Variants in ADAM15 observed in about 807,000 individuals in gnomAD.
ADAM15 encodes disintegrin and metalloproteinase domain-containing protein 15.
In ADAM15, 77 loss-of-function variants were observed where a neutral mutation model predicts 113.8. That is an observed-to-expected ratio of 0.68 (90% CI 0.56 to 0.82). The LOEUF (loss-of-function observed/expected upper bound fraction) is 0.82. Among genes scored for constraint, ADAM15 ranks in the 40% least tolerant of loss-of-function variants. The probability of loss-of-function intolerance (pLI) is 0.00; values close to 1 mark genes in which losing one functional copy is unlikely to be tolerated. For missense variants in ADAM15, 963 were observed against 1,120.1 expected (o/e 0.86, Z 2.00); for synonymous variants, 388 against 454.1 (o/e 0.85, Z 1.85).
intron 20 of ADAM15, 78 bp downstream of exon 20, chr1:155,061,567 C>G: frequency 6.9e-7 from 1 of 1,444,060 alleles, no homozygotes; most frequent in East Asian, 2.3e-5. Flanking sequence ...CATCCCTGCT[C>G]CCTGCCAGTG....
At position 155,057,805 on chromosome 1, in the gene ADAM15, C is replaced by G; in HGVS notation, c.1417-46C>G. Reference sequence around the variant, plus strand: ...TGGAAAGGGTCATTCTGACCCCCGGCTGGATTTGCTCAGTGCCCACACTGA... The same window carrying G: ...TGGAAAGGGTCATTCTGACCCCCGGGTGGATTTGCTCAGTGCCCACACTGA... On this transcript the variant is annotated intron_variant, in intron 13 of 22. Coordinates refer to ENST00000356955, the MANE Select transcript of ADAM15 (RefSeq NM_207197.3). This position sits in a 1 kb window ranked among gnomAD's most constrained non-coding sequence, Gnocchi z 5.0. 1 of 1,613,194 alleles carries G rather than the reference C, an allele frequency of 6.2e-7. No individual in the cohort carries two copies. Among genetic ancestry groups the G allele is most frequent in the Non-Finnish European group, 8.5e-7 (1 of 1,179,234 alleles).
Position 155,058,315 on chromosome 1 carries a change from T to A in ADAM15, c.1791T>A (p.Asp597Glu). 1 of 1,614,060 alleles carries A rather than the reference T, an allele frequency of 6.2e-7. No homozygotes were observed. The highest frequency in any genetic ancestry group is 8.5e-7 in the Non-Finnish European group (1 of 1,180,026). Residue 597 changes from aspartate to glutamate, a missense_variant, in exon 15 of 23, where the codon GAT becomes GAA. Asp to Glu is a conservative substitution (Grantham distance 45). Coordinates refer to ENST00000356955, the MANE Select transcript of ADAM15 (RefSeq NM_207197.3). The surrounding 1 kb of genome is among the most constrained non-coding windows in gnomAD (Gnocchi z 4.3). Reference protein sequence around the residue: ...RTQPLLGSIRDLLWETIDVNG... With the variant: ...RTQPLLGSIRELLWETIDVNG... ...AGCCTCTGCTGGGCTCCATCCGGGA[T>A]CTACTCTGGGAGACAATAGATGTGA... is the stretch of plus-strand genomic sequence containing the variant.
At chr1:155,053,801 T>C in intron 3 of ADAM15, 109 bp from the exon 4 acceptor site, 4 of 1,303,078 alleles carry the variant, frequency 3.1e-6, no homozygotes, top group Non-Finnish European at 4.3e-6. Context: ...AAAAGTTGGC[T>C]GCGGGGGTTG....
At chr1:155,060,092 C>A in intron 17 of ADAM15, 113 bp from the exon 18 acceptor site, 1 of 1,567,074 alleles carries the variant, frequency 6.4e-7, no homozygotes, top group Non-Finnish European at 8.7e-7. Flanking sequence ...GAGTCTGTGC[C>A]CCTTGAACCC....
rs1222089713 is a variant in ADAM15, at chr1:155,062,142, G to T, written c.2425-103G>T. 6.9e-7 allele frequency: 1 copy of T among 1,446,142 alleles called. No homozygotes were observed. The highest frequency in any genetic ancestry group is 2.8e-5 in the Admixed American group (1 of 35,308). The allele number at this position is 1,446,142 out of a possible 1,614,324, so 89.6% of individuals were successfully genotyped here. On this transcript the variant is annotated intron_variant, in intron 21 of 22. Transcript: ENST00000356955. This position sits in a 1 kb window ranked among gnomAD's most constrained non-coding sequence, Gnocchi z 7.0. ...GGTTTGTTTGCAGACAAGGGTGACC[G>T]CTGGTGCTGCCCCCAAGCTGGTGTT... is the stretch of plus-strand genomic sequence containing the variant.
At chr1:155,053,141 C>G (rs1414933291) in intron 2 of ADAM15, among the ~76,000 whole-genome samples, 1 of 119,864 alleles carries the variant, frequency 8.3e-6, no homozygotes, top group Non-Finnish European at 1.6e-5. Context: ...AAAGCTGAGT[C>G]AGAGGAAGGG....
At chr1:155,054,712 T>G (rs1054921524) in intron 6 of ADAM15, among the ~76,000 whole-genome samples, 1 of 151,998 alleles carries the variant, frequency 6.6e-6, no homozygotes, top group African/African-American at 2.4e-5. Flanking sequence ...TGACGAAACC[T>G]TACAAAAAGT....
Position 155,057,455 on chromosome 1 carries a change from T to G in ADAM15, c.1323+93T>G. 4 of 1,554,992 alleles carry G rather than the reference T, an allele frequency of 2.6e-6. No homozygotes were observed. Among genetic ancestry groups the G allele is most frequent in the Non-Finnish European group, 3.5e-6 (4 of 1,139,938 alleles). ...CCCAGCCTCCTGAGCTCTTGGGTTC[T>G]GAAGGGACTTTCCACCCCTCTCCTA... On this transcript the variant is annotated intron_variant, in intron 12 of 22. Coordinates refer to ENST00000356955, the MANE Select transcript of ADAM15 (RefSeq NM_207197.3). This position sits in a 1 kb window ranked among gnomAD's most constrained non-coding sequence, Gnocchi z 5.0.
At position 155,056,913 on chromosome 1, in the gene ADAM15, A is replaced by G. The variant is rs770726562; in HGVS notation, c.1000-40A>G. 37 of 1,522,234 alleles carry G rather than the reference A, an allele frequency of 2.4e-5. No individual in the cohort carries two copies. The highest frequency in any genetic ancestry group is 3.2e-5 in the Non-Finnish European group (36 of 1,133,988). 94.3% of individuals were successfully genotyped at this position (1,522,234 alleles called of 1,614,324 possible). On this transcript the variant is annotated intron_variant, in intron 10 of 22. Transcript: ENST00000356955. The surrounding 1 kb of genome is among the most constrained non-coding windows in gnomAD (Gnocchi z 4.0). ...GTGGTCTGGGCATTGTGGTGGAGGCAGGCTGGGACTGGACCTACAGTACCC... is the reference window on the plus strand; with the variant it reads ...GTGGTCTGGGCATTGTGGTGGAGGCGGGCTGGGACTGGACCTACAGTACCC...
rs201599586 is a variant in ADAM15 at position 155,057,900 on chromosome 1, T to G, written c.1466T>G (p.Leu489Trp). Reference protein sequence around the residue: ...QCRPTRGDCDLPEFCPGDSSQ... With the variant: ...QCRPTRGDCDWPEFCPGDSSQ... ...CGTCCTACCAGAGGGGATTGTGACT[T>G]GCCTGAATTCTGCCCAGGAGACAGC... The change falls in exon 14 of 23, where the codon TTG becomes TGG. Residue 489 changes from leucine to tryptophan, a missense_variant. Leu to Trp is a moderately conservative substitution (Grantham distance 61). Coordinates refer to ENST00000356955, the MANE Select transcript of ADAM15 (RefSeq NM_207197.3). The surrounding 1 kb of genome is among the most constrained non-coding windows in gnomAD (Gnocchi z 5.0). 52 of 1,613,056 alleles carry G rather than the reference T, an allele frequency of 3.2e-5. No homozygotes were observed. In the Admixed American group the frequency reaches 6.5e-4, roughly 20 times the overall value.
At chr1:155,052,928 C>A in intron 2 of ADAM15, 151 bp downstream of exon 2, 1 of 1,047,548 alleles carries the variant, frequency 9.5e-7, no homozygotes, top group Non-Finnish European at 1.4e-6. Context: ...CCCACCACAC[C>A]CCAGCACCTG....
At position 155,051,729 on chromosome 1, in the gene ADAM15, C is replaced by T. The variant is rs1006684483; in HGVS notation, c.79+264C>T. 5.6e-5 allele frequency: 21 copies of T among 377,354 alleles called. No homozygotes were observed. The South Asian group carries it at 9.1e-4, about 16-fold the overall frequency. The allele number at this position is 377,354 out of a possible 1,614,324, so 23.4% of individuals were successfully genotyped here. On this transcript the variant is annotated intron_variant, in intron 1 of 22. Coordinates refer to ENST00000356955, the MANE Select transcript of ADAM15 (RefSeq NM_207197.3). ...TGCGGACACTTTCAGGCTCAGGTAC[C>T]AGGTACCGAGGGGCCTGTCCAGCGC...
In ADAM15 at chr1:155,053,510, C is replaced by T. The variant is rs539124260; in HGVS notation, c.263+17C>T. The T allele has an allele frequency of 6.2e-7, 1 of 1,613,630 alleles. No individual in the cohort carries two copies. The highest frequency in any genetic ancestry group is 1.3e-5 in the African/African-American group (1 of 75,022). On this transcript the variant is annotated intron_variant, in intron 3 of 22. Coordinates refer to ENST00000356955, the MANE Select transcript of ADAM15 (RefSeq NM_207197.3). ...ACAGAATAGGTAATAGTGATGGTGG[C>T]AATAACAGTGACCACATGGCCAACA...
rs1662782620 is a variant in ADAM15 at position 155,062,423 on chromosome 1, G to T, written c.2550-37G>T. On this transcript the variant is annotated intron_variant, in intron 22 of 22. Coordinates refer to ENST00000356955, the MANE Select transcript of ADAM15 (RefSeq NM_207197.3). The surrounding 1 kb of genome is among the most constrained non-coding windows in gnomAD (Gnocchi z 7.0). ...GGGGCGAGTGACCTGGGGGAAAGGG[G>T]CCTCTGACTCTTTTTTCTTGGCTTC... 2 of 1,612,846 alleles carry T rather than the reference G, an allele frequency of 1.2e-6. No homozygotes were observed. Among genetic ancestry groups the T allele is most frequent in the African/African-American group, 2.7e-5 (2 of 75,052 alleles).
chr1:155,060,959 G>A, intron 19 of ADAM15, 127 bp downstream of exon 19: 1 of 941,220 alleles, frequency 1.1e-6, no homozygotes, highest in Non-Finnish European at 1.6e-6. Context: ...TCAGTCGAAG[G>A]AGTCAGGGCC....
At position 155,057,176 on chromosome 1, in the gene ADAM15, C is replaced by A; in HGVS notation, c.1149-12C>A. 1 of 1,605,274 alleles carries A rather than the reference C, an allele frequency of 6.2e-7. No homozygotes were observed. On this transcript the variant is annotated splice_polypyrimidine_tract_variant and intron_variant, in intron 11 of 22. Transcript: ENST00000356955. This position sits in a 1 kb window ranked among gnomAD's most constrained non-coding sequence, Gnocchi z 5.0. Reference sequence around the variant, plus strand: ...GGCCCCCAGCCCCAACCTTCCTTGCCACCCTCCCCAGCTTCCTACCAGGCC... The same window carrying A: ...GGCCCCCAGCCCCAACCTTCCTTGCAACCCTCCCCAGCTTCCTACCAGGCC...
In ADAM15 at chr1:155,057,340, A is replaced by T. The variant is rs751325674; in HGVS notation, c.1301A>T (p.Gln434Leu). The change falls in exon 12 of 23, where the codon CAG becomes CTG. Residue 434 changes from glutamine (Q) to leucine (L), a missense_variant. Gln to Leu is a moderately radical substitution (Grantham distance 113). Coordinates refer to ENST00000356955, the MANE Select transcript of ADAM15 (RefSeq NM_207197.3). The surrounding 1 kb of genome is among the most constrained non-coding windows in gnomAD (Gnocchi z 5.0). Reference sequence around the variant, plus strand: ...AATATGTTTGTGGAGCCGGGCGAGCAGTGTGACTGTGGCTTCCTGGATGTG... The same window carrying T: ...AATATGTTTGTGGAGCCGGGCGAGCTGTGTGACTGTGGCTTCCTGGATGTG... ...CGNMFVEPGE[Q>L]CDCGFLDDCV... 6.2e-7 allele frequency: 1 copy of T among 1,614,190 alleles called. No homozygotes were observed. The highest frequency in any genetic ancestry group is 1.7e-4 in the Middle Eastern group (1 of 6,058).
chr1:155,059,753 G>T, intron 16 of ADAM15, 149 bp from the exon 17 acceptor site: 1 of 764,066 alleles, frequency 1.3e-6, no homozygotes, highest in Non-Finnish European at 2.2e-6. Flanking sequence ...AATTTGCTCT[G>T]GTATGGATAA....
At chr1:155,052,503 C>G (rs1266822191) in intron 1 of ADAM15, 168 bp from the exon 2 acceptor site, 5 of 1,539,856 alleles carry the variant, frequency 3.2e-6, no homozygotes, top group Non-Finnish European at 4.4e-6. Flanking sequence ...TAGAGAGACA[C>G]CCTCTCCTTC....
Sources: gnomAD v4.1 joint callset for allele counts (sites outside exome capture counted in the v4.1 genomes callset) on GRCh38, gnomAD v4.1.1 for gene constraint, Gnocchi (gnomAD v3.1) non-coding constraint, MANE v1.5 for transcripts, NCBI Gene and HGNC (gene_info 2026-07-23, HGNC 2026-07-21) for gene names.